Variants in TRPC6 observed in about 807,000 individuals in gnomAD.
The protein encoded by TRPC6 is transient receptor potential cation channel subfamily C member 6.
In TRPC6, 55 loss-of-function variants were observed where a neutral mutation model predicts 90.7. The observed-to-expected ratio is 0.61, with a 90% confidence interval of 0.49 to 0.76. The LOEUF is 0.76. Ranked by LOEUF, TRPC6 falls within the 30% of genes least tolerant of loss-of-function variation. TRPC6 has a pLI of 0.00. For synonymous variants in TRPC6, 393 were observed against 393.0 expected, an observed-to-expected ratio of 1.00 and a Z score of 0.00; for missense variants, 989 against 1,122.7, an observed-to-expected ratio of 0.88 and a Z score of 1.70.
At chr11:101,485,775 C>T (rs934311760) in intron 4 of TRPC6, among the ~76,000 whole-genome samples, 3 of 152,004 alleles carry the variant, frequency 2.0e-5, no homozygotes, top group African/African-American at 4.8e-5. Flanking sequence ...ATAGAAAACA[C>T]GAGGTTGGGG....
intron 1 of TRPC6, among the ~76,000 whole-genome samples, chr11:101,540,191 T>A (rs1454439748): frequency 6.6e-6 from 1 of 152,066 alleles, no homozygotes; most frequent in African/African-American, 2.4e-5. Context: ...GCAACACCAA[T>A]GGGGTACACA....
At chr11:101,468,514 TAAC>T (rs2136663599) in intron 10 of TRPC6, among the ~76,000 whole-genome samples, 1 of 152,340 alleles carries the variant, frequency 6.6e-6, no homozygotes, top group Admixed American at 6.5e-5. Context: ...CAATGAGATA[TAAC>T]AACAGAAATT....
At chr11:101,561,457 TC>T (rs1485247667) in intron 1 of TRPC6, among the ~76,000 whole-genome samples, 37 of 152,186 alleles carry the variant, frequency 2.4e-4, no homozygotes, top group African/African-American at 8.9e-4. Flanking sequence ...TAGAAGCCTC[TC>T]CATACTTTTT....
chr11:101,569,838 T>G (rs1861918298), intron 1 of TRPC6, among the ~76,000 whole-genome samples: 1 of 151,914 alleles, frequency 6.6e-6, no homozygotes, highest in Non-Finnish European at 1.5e-5. Flanking sequence ...AAAGACACAA[T>G]GTACCAGAAT....
intron 1 of TRPC6, among the ~76,000 whole-genome samples, chr11:101,530,460 G>A (rs577578381): frequency 1.3e-5 from 2 of 152,204 alleles, no homozygotes; most frequent in East Asian, 3.9e-4. Context: ...TGAGACATGA[G>A]GCTGGGCTGT....
At chr11:101,472,888 G>A (rs1859324835) in intron 7 of TRPC6, among the ~76,000 whole-genome samples, 1 of 152,122 alleles carries the variant, frequency 6.6e-6, no homozygotes, top group Non-Finnish European at 1.5e-5. Flanking sequence ...ATGGAAAACA[G>A]TAGGCTTACA....
intron 1 of TRPC6, among the ~76,000 whole-genome samples, chr11:101,505,192 T>C (rs983576614): frequency 3.3e-5 from 5 of 152,154 alleles, no homozygotes; most frequent in Admixed American, 3.3e-4. Flanking sequence ...GTAGAGACAA[T>C]AGCAAATCCA....
chr11:101,501,465 C>A (rs1860122762), intron 2 of TRPC6, among the ~76,000 whole-genome samples: 1 of 151,984 alleles, frequency 6.6e-6, no homozygotes. Context: ...CAGCAGCAAA[C>A]CTCACCTCAG....
At chr11:101,540,999 A>C (rs1048959543) in intron 1 of TRPC6, among the ~76,000 whole-genome samples, 5 of 152,218 alleles carry the variant, frequency 3.3e-5, no homozygotes, top group Admixed American at 1.3e-4. Context: ...GGAGAAACAA[A>C]ATCAGGCTAG....
chr11:101,492,806 A>G (rs1241559138), intron 2 of TRPC6, among the ~76,000 whole-genome samples: 1 of 152,236 alleles, frequency 6.6e-6, no homozygotes, highest in Non-Finnish European at 1.5e-5. Flanking sequence ...TCCAGAGAAG[A>G]GCAAGTACGT....
Position 101,480,780 on chromosome 11 carries a change from T to TA in TRPC6, c.1510+2168dup, listed in dbSNP as rs556029357. On this transcript the variant is annotated intron_variant, in intron 5 of 12. Transcript: ENST00000344327. ...TATTTACCTTACATATACTAAGACATAAAAAATAAACTATGAGACATGGGC... is the reference window on the plus strand; with the variant it reads ...TATTTACCTTACATATACTAAGACATAAAAAAATAAACTATGAGACATGGGC... 1.4e-3 allele frequency among the ~76,000 whole-genome samples: 217 copies of TA among 152,232 alleles called. 1 individual carries two copies. Among genetic ancestry groups the TA allele is most frequent in the African/African-American group, 5.1e-3 (212 of 41,556 alleles).
intron 1 of TRPC6, among the ~76,000 whole-genome samples, chr11:101,529,046 AG>A (rs2136793273): frequency 6.6e-6 from 1 of 152,224 alleles, no homozygotes; most frequent in Non-Finnish European, 1.5e-5. Flanking sequence ...GTGAGTTGAA[AG>A]TAAGAAATAC....
intron 10 of TRPC6, among the ~76,000 whole-genome samples, chr11:101,459,130 A>G (rs1323137253): frequency 6.6e-6 from 1 of 152,254 alleles, no homozygotes; most frequent in Admixed American, 6.5e-5. Flanking sequence ...CCACAAGCTC[A>G]TATGGCAGGG....
intron 2 of TRPC6, among the ~76,000 whole-genome samples, chr11:101,502,444 C>A (rs10791490): frequency 0.46 from 69,742 of 151,920 alleles, 16,376 homozygotes; most frequent in African/African-American, 0.55. Flanking sequence ...GCAGGGACTC[C>A]AAAGATGTAG....
intron 1 of TRPC6, among the ~76,000 whole-genome samples, chr11:101,508,915 C>T (rs990757260): frequency 6.6e-6 from 1 of 151,928 alleles, no homozygotes; most frequent in Non-Finnish European, 1.5e-5. Flanking sequence ...TCTCAAAGGA[C>T]TACTTTCAGA....
intron 1 of TRPC6, among the ~76,000 whole-genome samples, chr11:101,573,220 T>G (rs1274039415): frequency 6.8e-6 from 1 of 147,270 alleles, no homozygotes; most frequent in Non-Finnish European, 1.5e-5. Flanking sequence ...TCACAAATAT[T>G]TCTTGAGTCC....
intron 1 of TRPC6, among the ~76,000 whole-genome samples, chr11:101,565,886 G>C (rs12291854): frequency 0.024 from 3,652 of 152,174 alleles, 169 homozygotes; most frequent in African/African-American, 0.083. Context: ...GAAACATAAC[G>C]AGATGTGAAA....
At chr11:101,559,305 C>T (rs911632039) in intron 1 of TRPC6, among the ~76,000 whole-genome samples, 7 of 152,154 alleles carry the variant, frequency 4.6e-5, no homozygotes, top group Non-Finnish European at 1.0e-4. Context: ...AGACTAATCC[C>T]TAATTTTACA....
Position 101,504,150 on chromosome 11 carries a change from C to A in TRPC6, c.819G>T (p.Arg273Ser), listed in dbSNP as rs774834491. ...TTGCCAGGCCTTTATAGGCATTAAT[C>A]CTAGATCTGGAGTGGCTAAACGAGT... ...KHDSFSHSRS[R>S]INAYKGLASP... The change falls in exon 2 of 13, where the codon AGG (arginine) becomes AGT (serine). Residue 273 changes from arginine (R) to serine (S), a missense_variant. By Grantham distance (110) the Arg-to-Ser change is moderately radical (BLOSUM62 -1). Transcript: ENST00000344327. 7 of 1,614,120 alleles carry A rather than the reference C, an allele frequency of 4.3e-6. No homozygotes were observed. The highest frequency in any genetic ancestry group is 5.9e-6 in the Non-Finnish European group (7 of 1,179,984).
Sources: gnomAD v4.1 joint callset for allele counts (sites outside exome capture counted in the v4.1 genomes callset) on GRCh38, gnomAD v4.1.1 for gene constraint, MANE v1.5 for transcripts, NCBI Gene and HGNC (gene_info 2026-07-23, HGNC 2026-07-21) for gene names.